The following CACNA2D3 variants were observed in gnomAD, a reference collection of about 807,000 sequenced individuals.
The protein encoded by CACNA2D3 is voltage-dependent calcium channel subunit alpha-2/delta-3.
Under a neutral mutation model 160.6 loss-of-function variants are expected in CACNA2D3, and 60 were observed. The ratio of observed to expected loss-of-function variants is 0.37; its 90% CI spans 0.30 to 0.46. The LOEUF (loss-of-function observed/expected upper bound fraction) is 0.46, where lower values mean the gene tolerates loss of function less well. CACNA2D3 is among the 20% of genes least tolerant of loss of function. The probability of loss-of-function intolerance (pLI) is 1.00; values close to 1 mark genes in which losing one functional copy is unlikely to be tolerated. For missense variants in CACNA2D3, 1,205 were observed against 1,365.0 expected (o/e 0.88, Z 1.85); for synonymous variants, 558 against 492.9 (o/e 1.13, Z -1.75).
intron 11 of CACNA2D3, among the ~76,000 whole-genome samples, chr3:54,659,084 G>A (rs1016998972): frequency 6.6e-6 from 1 of 151,998 alleles, no homozygotes; most frequent in African/African-American, 2.4e-5. Flanking sequence ...TAGATTTAAA[G>A]TTGTCCCCTG....
intron 4 of CACNA2D3, among the ~76,000 whole-genome samples, chr3:54,489,362 G>A (rs527276317): frequency 4.6e-5 from 7 of 152,296 alleles, no homozygotes; most frequent in Non-Finnish European, 1.0e-4. Flanking sequence ...TCTGTCCTCT[G>A]CCTGTCAGTC....
At chr3:54,662,333 C>T (rs954450928) in intron 11 of CACNA2D3, among the ~76,000 whole-genome samples, 2 of 152,048 alleles carry the variant, frequency 1.3e-5, no homozygotes, top group Non-Finnish European at 2.9e-5. Context: ...ACCTGTGATC[C>T]CTGGAAGGCT....
intron 18 of CACNA2D3, among the ~76,000 whole-genome samples, chr3:54,873,251 G>A (rs1699581951): frequency 6.6e-6 from 1 of 152,086 alleles, no homozygotes; most frequent in Admixed American, 6.6e-5. Flanking sequence ...GCCATTGTTA[G>A]TATTATTCTG....
intron 2 of CACNA2D3, among the ~76,000 whole-genome samples, chr3:54,232,095 G>A (rs1044385278): frequency 1.6e-4 from 24 of 152,220 alleles, no homozygotes; most frequent in African/African-American, 5.5e-4. Context: ...ATGTGTATAT[G>A]TGCATATACT....
chr3:54,124,749 C>A (rs1361084449), intron 2 of CACNA2D3, among the ~76,000 whole-genome samples: 1 of 152,210 alleles, frequency 6.6e-6, no homozygotes, highest in Non-Finnish European at 1.5e-5. Flanking sequence ...TAAAAATCGC[C>A]AATAGCCTTA....
intron 2 of CACNA2D3, among the ~76,000 whole-genome samples, chr3:54,235,150 T>C (rs1701849709): frequency 6.6e-6 from 1 of 152,148 alleles, no homozygotes; most frequent in Admixed American, 6.5e-5. Flanking sequence ...ATTCATAGTG[T>C]CCTAAAGTAA....
At chr3:54,229,482 C>T (rs538085179) in intron 2 of CACNA2D3, among the ~76,000 whole-genome samples, 8 of 152,206 alleles carry the variant, frequency 5.3e-5, no homozygotes, top group South Asian at 4.2e-4. Flanking sequence ...CGTGAGCCAC[C>T]GTGCCCGGCC....
At chr3:54,953,461 A>G (rs1439369001) in intron 27 of CACNA2D3, among the ~76,000 whole-genome samples, 1 of 152,210 alleles carries the variant, frequency 6.6e-6, no homozygotes, top group East Asian at 1.9e-4. Flanking sequence ...CACTGGGCCA[A>G]GATCATGGGA....
chr3:54,378,832 T>G (rs577425582), intron 3 of CACNA2D3, among the ~76,000 whole-genome samples: 3 of 152,354 alleles, frequency 2.0e-5, no homozygotes, highest in South Asian at 4.1e-4. Context: ...GTTTCCATCT[T>G]CAGCAGCTTT....
intron 29 of CACNA2D3, among the ~76,000 whole-genome samples, chr3:54,974,560 G>A (rs1323440594): frequency 6.6e-6 from 1 of 152,178 alleles, no homozygotes; most frequent in Non-Finnish European, 1.5e-5. Context: ...CCCATGGCCT[G>A]GGTTTGGGCT....
chr3:54,969,565 C>T (rs565023942), intron 28 of CACNA2D3, among the ~76,000 whole-genome samples: 15 of 152,154 alleles, frequency 9.9e-5, no homozygotes, highest in African/African-American at 3.6e-4. Context: ...TGCCCCACCC[C>T]GCTCAGTTGT....
At chr3:54,933,945 AT>A (rs1322671645) in intron 27 of CACNA2D3, among the ~76,000 whole-genome samples, 1 of 151,788 alleles carries the variant, frequency 6.6e-6, no homozygotes, top group African/African-American at 2.4e-5. Flanking sequence ...ATTATTTTGT[AT>A]TTTTGGTAGA....
chr3:54,538,948 C>T (rs562171201), intron 5 of CACNA2D3, among the ~76,000 whole-genome samples: 4 of 152,186 alleles, frequency 2.6e-5, no homozygotes, highest in South Asian at 2.1e-4. Context: ...GGACTTTTCT[C>T]GTGGCTCTGC....
intron 31 of CACNA2D3, among the ~76,000 whole-genome samples, chr3:54,988,029 A>AT (rs376047320): frequency 3.2e-4 from 49 of 152,300 alleles, no homozygotes; most frequent in African/African-American, 1.1e-3. Flanking sequence ...TGATGTGATT[A>AT]TGTCAGTCTG....
intron 2 of CACNA2D3, among the ~76,000 whole-genome samples, chr3:54,252,584 T>C (rs1195409839): frequency 6.6e-6 from 1 of 152,194 alleles, no homozygotes; most frequent in East Asian, 1.9e-4. Context: ...GTGAGGACTT[T>C]GGTTGTCTCT....
At chr3:54,634,286 T>C (rs1184018854) in intron 10 of CACNA2D3, among the ~76,000 whole-genome samples, 1 of 152,180 alleles carries the variant, frequency 6.6e-6, no homozygotes, top group African/African-American at 2.4e-5. Flanking sequence ...GGAATATCTT[T>C]CCCTCAGATA....
chr3:55,049,908 A>G (rs1008992884), intron 35 of CACNA2D3, among the ~76,000 whole-genome samples: 54 of 150,770 alleles, frequency 3.6e-4, no homozygotes, highest in Admixed American at 3.0e-3. Context: ...CTGTTTTATC[A>G]GAGACTAGGA....
chr3:54,291,754 T>C (rs1269484339), intron 2 of CACNA2D3, among the ~76,000 whole-genome samples: 4 of 152,160 alleles, frequency 2.6e-5, no homozygotes, highest in Admixed American at 1.3e-4. Flanking sequence ...CTGGTGGACA[T>C]AGTTACTCTA....
chr3:54,154,597 A>G (rs1559865051), intron 2 of CACNA2D3, among the ~76,000 whole-genome samples: 1 of 151,058 alleles, frequency 6.6e-6, no homozygotes, highest in African/African-American at 2.4e-5. Flanking sequence ...CTTCTTTTGC[A>G]GGTAGCTTGT....
Sources: gnomAD v4.1 joint callset for allele counts (sites outside exome capture counted in the v4.1 genomes callset) on GRCh38, gnomAD v4.1.1 for gene constraint, MANE v1.5 for transcripts, NCBI Gene and HGNC (gene_info 2026-07-23, HGNC 2026-07-21) for gene names.